Variants in ANXA4 observed in about 807,000 individuals in gnomAD.
The protein encoded by ANXA4 is annexin A4.
A neutral mutation model predicts 49.8 loss-of-function variants in ANXA4; 39 were observed. The ratio of observed to expected loss-of-function variants is 0.78; its 90% confidence interval spans 0.61 to 1.02. ANXA4 has a LOEUF of 1.02. ANXA4 is among the 50% of genes least tolerant of loss of function. The probability of loss-of-function intolerance (pLI) is 0.00; values close to 1 mark genes in which losing one functional copy is unlikely to be tolerated. For missense variants in ANXA4, 360 were observed against 410.1 expected (o/e 0.88, Z 1.05); for synonymous variants, 134 against 152.5 (o/e 0.88, Z 0.89).
chr2:69,715,141 T>C (rs114810806), intron 2 of ANXA4, among the ~76,000 whole-genome samples: 2,335 of 152,354 alleles, frequency 0.015, 36 homozygotes, highest in Non-Finnish European at 0.018. Flanking sequence ...CCTGCTCTTA[T>C]AACCAAGTTA....
At position 69,774,516 on chromosome 2, in the gene ANXA4, A is replaced by G. The variant is rs532930130; in HGVS notation, c.-46-7004A>G. ...ACCATGCCTGACTAATTGTTTGTAT[A>G]TTTAGTAGAGACGGGGTTTCATCAG... On this transcript the variant is annotated intron_variant, in intron 1 of 12. Transcript: ENST00000394295. 2.7e-5 allele frequency among the ~76,000 whole-genome samples: 4 copies of G among 150,382 alleles called. No homozygotes were observed. The South Asian group carries it at 8.4e-4, about 32-fold the overall frequency.
intron 2 of ANXA4, chr2:69,700,241 A>T (rs1678288641): frequency 6.6e-6 from 1 of 152,104 alleles, no homozygotes; most frequent in Non-Finnish European, 1.5e-5. Context: ...AAAATGTCGG[A>T]TGTGGTGAAG....
At position 69,813,439 on chromosome 2, in the gene ANXA4, C is replaced by T. The variant is rs1366818087; in HGVS notation, c.534+730C>T. Among the ~76,000 whole-genome samples, 6 of 152,004 alleles carry T rather than the reference C, an allele frequency of 3.9e-5. No homozygotes were observed. The South Asian group carries it at 6.2e-4, about 16-fold the overall frequency. ...AATTTTTTTCTATTTTTAGTAGAGA[C>T]GGGTTTTCACCATGTTGGCCAGGCT... On this transcript the variant is annotated intron_variant, in intron 8 of 12. Coordinates refer to ENST00000394295, the MANE Select transcript of ANXA4 (RefSeq NM_001153.5).
chr2:69,762,879 A>C (rs1345719590), intron 1 of ANXA4, among the ~76,000 whole-genome samples: 1 of 151,534 alleles, frequency 6.6e-6, no homozygotes, highest in African/African-American at 2.4e-5. Context: ...ACTCACACAC[A>C]CTCATACTCA....
chr2:69,648,926 C>T (rs1430818266), intron 1 of ANXA4, among the ~76,000 whole-genome samples: 1 of 126,028 alleles, frequency 7.9e-6, no homozygotes, highest in African/African-American at 3.0e-5. Context: ...TGCTCTGTTA[C>T]CCAGGCTGGA....
At chr2:69,655,645 A>T (rs568790656) in intron 2 of ANXA4, among the ~76,000 whole-genome samples, 3 of 152,316 alleles carry the variant, frequency 2.0e-5, no homozygotes, top group African/African-American at 7.2e-5. Context: ...CTAGAACCAG[A>T]AATACCATTT....
At chr2:69,797,523 G>A (rs930504905) in intron 3 of ANXA4, among the ~76,000 whole-genome samples, 5 of 152,146 alleles carry the variant, frequency 3.3e-5, no homozygotes, top group Non-Finnish European at 7.4e-5. Context: ...TTTAAGCAAG[G>A]CCCCTTAATA....
intron 3 of ANXA4, among the ~76,000 whole-genome samples, chr2:69,791,042 C>G (rs1672671871): frequency 6.6e-6 from 1 of 152,180 alleles, no homozygotes; most frequent in Admixed American, 6.5e-5. Context: ...CTTAGATTGG[C>G]TTTGATGGAA....
chr2:69,757,427 C>T (rs1423246615), intron 1 of ANXA4, among the ~76,000 whole-genome samples: 6 of 144,454 alleles, frequency 4.2e-5, no homozygotes, highest in South Asian at 4.4e-4. Flanking sequence ...CCTATCACCA[C>T]GCCTAATTTT....
rs545908013 is a variant in ANXA4, at chr2:69,786,647, C to G, written c.10-1407C>G. On this transcript the variant is annotated intron_variant, in intron 2 of 12. Coordinates refer to ENST00000394295, the MANE Select transcript of ANXA4 (RefSeq NM_001153.5). ...TATTATGGAAAACTTTAAACATATA[C>G]AAAAGTAAACAGAATACTATAAGGA... Among the ~76,000 whole-genome samples, 11 of 152,174 alleles carry G rather than the reference C, an allele frequency of 7.2e-5. No individual in the cohort carries two copies. In the South Asian group the frequency reaches 2.3e-3, roughly 32 times the overall value.
At chr2:69,759,952 C>T (rs1003971699) in intron 1 of ANXA4, among the ~76,000 whole-genome samples, 1 of 152,130 alleles carries the variant, frequency 6.6e-6, no homozygotes, top group African/African-American at 2.4e-5. Context: ...CCTGCCTCAG[C>T]CTCCCGAGTA....
At chr2:69,741,630 C>G (rs543239254), upstream of ANXA4, among the ~76,000 whole-genome samples, 4 of 152,378 alleles carry the variant, frequency 2.6e-5, no homozygotes, top group South Asian at 4.1e-4. Flanking sequence ...GCCACGGGCT[C>G]GGCACGACCT....
At position 69,756,341 on chromosome 2, in the gene ANXA4, C is replaced by T. The variant is rs530713703; in HGVS notation, c.-47+14166C>T. 5.3e-5 allele frequency among the ~76,000 whole-genome samples: 8 copies of T among 152,288 alleles called. No individual in the cohort carries two copies. The South Asian group carries it at 1.7e-3, about 32-fold the overall frequency. On this transcript the variant is annotated intron_variant, in intron 1 of 12. Transcript: ENST00000394295. The stretch of plus-strand genomic sequence containing the variant: ...TTTAGTAGCAGGGGAAGATGAGTCA[C>T]ATAGTCAGCTAGTTACTTTTTAACC...
chr2:69,820,673 T>C (rs763245438), intron 11 of ANXA4, 26 bp from the exon 12 acceptor site: 2 of 1,612,756 alleles, frequency 1.2e-6, no homozygotes, highest in Non-Finnish European at 1.7e-6. Context: ...TTTTTGTATA[T>C]GTTTGGATTT....
intron 2 of ANXA4, among the ~76,000 whole-genome samples, chr2:69,687,701 C>G (rs1274449622): frequency 6.6e-6 from 1 of 152,160 alleles, no homozygotes; most frequent in Non-Finnish European, 1.5e-5. Flanking sequence ...TCCCCCAAGT[C>G]TCTGACTACC....
chr2:69,643,963 C>T, upstream of ANXA4: 1 of 1,001,472 alleles, frequency 1.0e-6, no homozygotes, highest in Non-Finnish European at 1.2e-6. Context: ...CTGTTGATAT[C>T]ACCCGAGCCG....
Position 69,820,812 on chromosome 2 carries a change from G to T in ANXA4, c.897G>T (p.Ser299=), listed in dbSNP as rs376415476. 11 of 1,613,884 alleles carry T rather than the reference G, an allele frequency of 6.8e-6. No homozygotes were observed. Among genetic ancestry groups the T allele is most frequent in the Non-Finnish European group, 9.3e-6 (11 of 1,179,890 alleles). Residue 299 remains serine (S), a synonymous_variant, in exon 12 of 13, where the codon TCG becomes TCT. Transcript: ENST00000394295. ...GACTCTATGGAAAGTCTCTGTACTC[G>T]TTCATCAAGGTAGGTCACAGCAGCC... The part of the protein sequence containing the change: ...FKRLYGKSLY[S]FIKGDTSGDY...
intron 2 of ANXA4, among the ~76,000 whole-genome samples, chr2:69,783,190 A>G (rs1672272128): frequency 6.6e-6 from 1 of 151,986 alleles, no homozygotes; most frequent in South Asian, 2.1e-4. Context: ...AGTGGTTATG[A>G]GTGTTTTAAT....
Position 69,731,976 on chromosome 2 carries a change from C to CTTTTTTTTTTTT in ANXA4, n.864+11108_864+11109insTTTTTTTTTTTT, listed in dbSNP as rs1349540007. Among the ~76,000 whole-genome samples the CTTTTTTTTTTTT allele has an allele frequency of 4.7e-5, 5 of 107,008 alleles. 1 individual carries two copies. Among genetic ancestry groups the CTTTTTTTTTTTT allele is most frequent in the African/African-American group, 2.0e-4 (5 of 24,896 alleles). 70.2% of individuals were successfully genotyped at this position (107,008 alleles called of 152,430 possible). On this transcript the variant is annotated intron_variant and non_coding_transcript_variant, in intron 3 of 3. Transcript: ENST00000418066. ...CTATTTCTTAGTTACATTTTCTTTT[C>CTTTTTTTTTTTT]TTTCTTTTTTTTTTTTTTTTTTGAG...
Sources: allele counts gnomAD v4.1 joint callset (sites outside exome capture counted in the v4.1 genomes callset), GRCh38; gene constraint gnomAD v4.1.1; transcripts MANE v1.5; gene names NCBI Gene and HGNC (gene_info 2026-07-23, HGNC 2026-07-21).